FAT4: variants seen among roughly 807,000 people sequenced by gnomAD.
FAT4 encodes FAT atypical cadherin 4.
FAT4 carries 84 observed loss-of-function variants against 303.9 expected under a neutral mutation model. That is an observed-to-expected ratio of 0.28 (90% CI 0.23 to 0.33). The LOEUF (loss-of-function observed/expected upper bound fraction) is 0.33, where lower values mean the gene tolerates loss of function less well. Ranked by LOEUF, FAT4 falls within the 10% of genes least tolerant of loss-of-function variation. FAT4 has a pLI of 1.00. For missense variants in FAT4, 6,005 were observed against 6,146.8 expected (o/e 0.98, Z 0.77); for synonymous variants, 2,307 against 2,298.8 (o/e 1.00, Z -0.10).
chr4:125,423,444 A>G (rs1368385045), intron 7 of FAT4, among the ~76,000 whole-genome samples: 1 of 152,224 alleles, frequency 6.6e-6, no homozygotes, highest in Admixed American at 6.5e-5. Flanking sequence ...TACAAACCCT[A>G]AGCCTTGGAA....
Position 125,450,002 on chromosome 4 carries a change from G to T in FAT4, c.8992G>T (p.Val2998Phe). The T allele has an allele frequency of 6.2e-7, 1 of 1,613,844 alleles. No individual in the cohort carries two copies. Among genetic ancestry groups the T allele is most frequent in the Non-Finnish European group, 8.5e-7 (1 of 1,179,932 alleles). ...SKYFTPVTKN[V>F]KVGTKLIRVT... ...ATATTTCACTCCAGTCACCAAAAAT[G>T]TTAAGGTTGGTACGAAGTTAATCAG... Residue 2998 changes from valine (V) to phenylalanine (F), a missense_variant, in exon 10 of 18, where the codon GTT becomes TTT. Physicochemically the swap from Val to Phe is conservative, Grantham distance 50. Transcript: ENST00000394329.
At chr4:125,484,468 T>G (rs1316051660) in intron 16 of FAT4, among the ~76,000 whole-genome samples, 4 of 152,062 alleles carry the variant, frequency 2.6e-5, no homozygotes, top group Non-Finnish European at 5.9e-5. Context: ...GTTTGTCTGG[T>G]TTTTTTAAGT....
chr4:125,370,823 A>G (rs1733077050), intron 2 of FAT4, among the ~76,000 whole-genome samples: 1 of 152,154 alleles, frequency 6.6e-6, no homozygotes, highest in Non-Finnish European at 1.5e-5. Flanking sequence ...ATTTTATAGA[A>G]ATCATCACAG....
intron 2 of FAT4, among the ~76,000 whole-genome samples, chr4:125,359,496 G>A (rs1732568598): frequency 6.6e-6 from 1 of 152,150 alleles, no homozygotes; most frequent in African/African-American, 2.4e-5. Context: ...TTAATTCGCT[G>A]TGATTTATAA....
chr4:125,334,613 G>C (rs572037778), intron 2 of FAT4, among the ~76,000 whole-genome samples: 2 of 152,226 alleles, frequency 1.3e-5, no homozygotes, highest in South Asian at 4.1e-4. Context: ...ACAGTTTCAG[G>C]AGATTTGCTT....
intron 11 of FAT4, among the ~76,000 whole-genome samples, chr4:125,466,709 T>C (rs1308856737): frequency 6.6e-6 from 1 of 150,950 alleles, no homozygotes; most frequent in Admixed American, 6.6e-5. Flanking sequence ...TAAATATCAT[T>C]TCTATAATTC....
chr4:125,431,046 A>ACAGTAATGTATCT (rs1560604784), intron 7 of FAT4, among the ~76,000 whole-genome samples: 1 of 147,672 alleles, frequency 6.8e-6, no homozygotes. Flanking sequence ...GTAATGTATC[A>ACAGTAATGTATCT]ACAGTAGTAA....
intron 3 of FAT4, among the ~76,000 whole-genome samples, chr4:125,404,266 T>C (rs1334752452): frequency 6.6e-6 from 1 of 151,770 alleles, no homozygotes; most frequent in Admixed American, 6.6e-5. Context: ...CCAACTGTAT[T>C]CACAATCTGC....
intron 16 of FAT4, among the ~76,000 whole-genome samples, chr4:125,482,778 C>T (rs1727273648): frequency 6.6e-6 from 1 of 152,240 alleles, no homozygotes; most frequent in Admixed American, 6.5e-5. Context: ...CACTTCTAAA[C>T]TTCAGCCTCT....
chr4:125,386,294 T>C (rs991767304), intron 2 of FAT4, among the ~76,000 whole-genome samples: 3 of 152,222 alleles, frequency 2.0e-5, no homozygotes, highest in Admixed American at 6.5e-5. Context: ...TTTGATTTTT[T>C]TGAGGCGGAT....
At chr4:125,353,606 A>G (rs185770743) in intron 2 of FAT4, among the ~76,000 whole-genome samples, 3 of 151,648 alleles carry the variant, frequency 2.0e-5, no homozygotes, top group Non-Finnish European at 4.4e-5. Flanking sequence ...GCTGTAGCAG[A>G]GCTCACGGTT....
chr4:125,351,115 C>CT (rs1560773734), intron 2 of FAT4, among the ~76,000 whole-genome samples: 1 of 151,620 alleles, frequency 6.6e-6, no homozygotes, highest in Non-Finnish European at 1.5e-5. Flanking sequence ...TGGAATAAAA[C>CT]TTTTTTGTTG....
intron 17 of FAT4, among the ~76,000 whole-genome samples, 173 bp from the exon 18 acceptor site, chr4:125,489,728 C>T (rs1207028867): frequency 2.0e-5 from 3 of 151,516 alleles, no homozygotes; most frequent in Admixed American, 2.0e-4. Context: ...ATAAGATGCA[C>T]AGCTTAATTA....
intron 2 of FAT4, among the ~76,000 whole-genome samples, chr4:125,383,871 C>G (rs554501838): frequency 6.6e-6 from 1 of 152,170 alleles, no homozygotes; most frequent in South Asian, 2.1e-4. Flanking sequence ...CCATGGAAAT[C>G]CTTTTTATTA....
intron 2 of FAT4, among the ~76,000 whole-genome samples, chr4:125,375,242 A>G (rs796899031): frequency 2.6e-5 from 4 of 152,334 alleles, no homozygotes; most frequent in African/African-American, 9.6e-5. Flanking sequence ...TCTAAATTGT[A>G]AGTAAGAATA....
Position 125,376,600 on chromosome 4 carries a change from AAAAT to A in FAT4, c.5176-22170_5176-22167del, listed in dbSNP as rs1383050824. Reference sequence around the variant, plus strand: ...GAACCCTAGATCTTAAGTATAATTAAAAATAAATAAATAAATAGGCCTGGCGCGG... The same window carrying A: ...GAACCCTAGATCTTAAGTATAATTAAAAATAAATAAATAGGCCTGGCGCGG... On this transcript the variant is annotated intron_variant, in intron 2 of 17. Transcript: ENST00000394329. Among the ~76,000 whole-genome samples the A allele has an allele frequency of 6.6e-5, 10 of 152,302 alleles. No individual in the cohort carries two copies. In the East Asian group the frequency reaches 1.9e-3, roughly 29 times the overall value.
intron 12 of FAT4, among the ~76,000 whole-genome samples, chr4:125,470,920 A>T (rs1188338951): frequency 2.6e-5 from 4 of 152,214 alleles, no homozygotes; most frequent in African/African-American, 7.2e-5. Context: ...GACTTTCGAA[A>T]TGCCTTCGTC....
rs751226770 is a variant in FAT4, at chr4:125,448,675, A to G, written c.7665A>G (p.Thr2555=). Residue 2555 remains threonine (T), a synonymous_variant, in exon 10 of 18, where the codon ACA becomes ACG. Coordinates refer to ENST00000394329, the MANE Select transcript of FAT4 (RefSeq NM_001291303.3). The part of the protein sequence containing the change: ...GGSFPKTDST[T]VTVRFVNKAD... ...CATTTCCAAAGACAGATTCTACAAC[A>G]GTGACTGTTAGATTCGTGAATAAGG... 3.1e-6 allele frequency: 5 copies of G among 1,613,858 alleles called. No individual in the cohort carries two copies. The African/African-American group carries it at 4.0e-5, about 13-fold the overall frequency.
chr4:125,397,929 T>C (rs2126011999), intron 2 of FAT4, among the ~76,000 whole-genome samples: 1 of 152,300 alleles, frequency 6.6e-6, no homozygotes, highest in African/African-American at 2.4e-5. Flanking sequence ...GGTGGGTTTT[T>C]TAATTAAATG....
Sources: gnomAD v4.1 joint callset for allele counts (sites outside exome capture counted in the v4.1 genomes callset) on GRCh38, gnomAD v4.1.1 for gene constraint, MANE v1.5 for transcripts, NCBI Gene and HGNC (gene_info 2026-07-23, HGNC 2026-07-21) for gene names.